The following BANK1 variants were observed in gnomAD, a reference collection of about 807,000 sequenced individuals.
The protein encoded by BANK1 is B-cell scaffold protein with ankyrin repeats.
A neutral mutation model predicts 94.5 loss-of-function variants in BANK1; 95 were observed. The ratio of observed to expected loss-of-function variants is 1.00; its 90% CI spans 0.85 to 1.19. BANK1 has a LOEUF of 1.19. Among genes scored for constraint, BANK1 ranks in the 50% most tolerant of loss-of-function variants. The pLI, the probability that BANK1 is intolerant of heterozygous loss-of-function variation, is 0.00. For missense variants in BANK1, 987 were observed against 932.2 expected (o/e 1.06, Z -0.77); for synonymous variants, 334 against 308.4 (o/e 1.08, Z -0.87).
In BANK1 at chr4:102,025,411, A is replaced by T; in HGVS notation, c.1496A>T (p.Asn499Ile). 1.2e-6 allele frequency: 2 copies of T among 1,614,022 alleles called. No homozygotes were observed. The highest frequency in any genetic ancestry group is 1.7e-6 in the Non-Finnish European group (2 of 1,179,990). ...VFIPGADPEN[N>I]SQEPLMSSRP... ...ATTCCTGGTGCTGATCCAGAAAATAATTCACAAGAGCCACTCATGAGCAGC... is the reference window on the plus strand; with the variant it reads ...ATTCCTGGTGCTGATCCAGAAAATATTTCACAAGAGCCACTCATGAGCAGC... Residue 499 changes from asparagine to isoleucine, a missense_variant, in exon 9 of 17, where the codon AAT becomes ATT. Transcript: ENST00000322953.
chr4:101,800,779 T>C (rs1228980364), intron 1 of BANK1, among the ~76,000 whole-genome samples: 1 of 152,224 alleles, frequency 6.6e-6, no homozygotes, highest in East Asian at 1.9e-4. Flanking sequence ...TTTTTTGAGA[T>C]GGTTTCTCGC....
chr4:101,799,114 A>G (rs1725261301), intron 1 of BANK1, among the ~76,000 whole-genome samples: 1 of 152,160 alleles, frequency 6.6e-6, no homozygotes, highest in Non-Finnish European at 1.5e-5. Context: ...TTAAGTCTTT[A>G]ATCCATCTTG....
rs377453229 is a variant in BANK1, at chr4:102,006,274, T to C, written c.1207-15240T>C. Reference sequence around the variant, plus strand: ...ACCTTAAGTATTTGTTTTTAATCTCTGTTCTCATGTTTCTCCCTCATGGAT... The same window carrying C: ...ACCTTAAGTATTTGTTTTTAATCTCCGTTCTCATGTTTCTCCCTCATGGAT... On this transcript the variant is annotated intron_variant, in intron 7 of 16. Coordinates refer to ENST00000322953, the MANE Select transcript of BANK1 (RefSeq NM_017935.5). 2.0e-5 allele frequency among the ~76,000 whole-genome samples: 3 copies of C among 152,190 alleles called. No homozygotes were observed. In the East Asian group the frequency reaches 5.8e-4, roughly 29 times the overall value.
intron 11 of BANK1, 39 bp from the exon 12 acceptor site, chr4:102,060,172 C>A: frequency 6.6e-7 from 1 of 1,504,800 alleles, no homozygotes; most frequent in Non-Finnish European, 8.8e-7. Context: ...TTGTCTACAC[C>A]TGGACTTTCT....
chr4:101,838,581 A>G (rs763920656), intron 2 of BANK1, among the ~76,000 whole-genome samples: 3 of 152,188 alleles, frequency 2.0e-5, no homozygotes, highest in Non-Finnish European at 4.4e-5. Context: ...AAGGGCAGAA[A>G]CTATGTACAG....
intron 11 of BANK1, among the ~76,000 whole-genome samples, chr4:102,047,739 A>C (rs1727929083): frequency 6.6e-6 from 1 of 152,104 alleles, no homozygotes; most frequent in Non-Finnish European, 1.5e-5. Flanking sequence ...ACAGGAGATG[A>C]AGAGAAATGA....
At chr4:101,843,864 G>A (rs1053669055) in intron 2 of BANK1, among the ~76,000 whole-genome samples, 3 of 152,214 alleles carry the variant, frequency 2.0e-5, no homozygotes, top group African/African-American at 7.2e-5. Context: ...GGAGGTTGAA[G>A]TGAGGTGATA....
intron 2 of BANK1, among the ~76,000 whole-genome samples, chr4:101,836,412 A>G (rs562056557): frequency 6.6e-6 from 1 of 152,322 alleles, no homozygotes; most frequent in African/African-American, 2.4e-5. Context: ...CCTGGGAGGC[A>G]GAGGCTGCCG....
intron 7 of BANK1, among the ~76,000 whole-genome samples, chr4:101,998,861 T>C (rs1034128846): frequency 6.6e-6 from 1 of 152,136 alleles, no homozygotes; most frequent in Non-Finnish European, 1.5e-5. Context: ...ATTAGTTGTC[T>C]CTCTGGTGTT....
chr4:101,974,804 A>C (rs577801907), intron 7 of BANK1, among the ~76,000 whole-genome samples: 134 of 152,108 alleles, frequency 8.8e-4, no homozygotes, highest in African/African-American at 3.1e-3. Context: ...AAAAAAAAAA[A>C]AAATTAGCTG....
intron 5 of BANK1, among the ~76,000 whole-genome samples, chr4:101,880,079 G>T (rs1321914718): frequency 6.6e-6 from 1 of 152,056 alleles, no homozygotes; most frequent in Non-Finnish European, 1.5e-5. Flanking sequence ...AGTACTGAAA[G>T]TCCTAGCTAG....
chr4:101,798,376 C>T (rs775462037), intron 1 of BANK1, among the ~76,000 whole-genome samples: 3 of 152,164 alleles, frequency 2.0e-5, no homozygotes, highest in Non-Finnish European at 4.4e-5. Context: ...AAGCCGATGG[C>T]GTCACACCAA....
intron 7 of BANK1, among the ~76,000 whole-genome samples, chr4:101,983,125 T>C (rs1725375503): frequency 6.6e-6 from 1 of 152,112 alleles, no homozygotes; most frequent in African/African-American, 2.4e-5. Flanking sequence ...TTCTTATGCC[T>C]AATAAGTAAT....
At chr4:101,945,174 T>C (rs1262795792) in intron 7 of BANK1, among the ~76,000 whole-genome samples, 1 of 152,010 alleles carries the variant, frequency 6.6e-6, no homozygotes, top group Non-Finnish European at 1.5e-5. Context: ...TTGGAGACTT[T>C]AAATAAGTAT....
chr4:101,852,994 T>C (rs1560602005), intron 2 of BANK1, among the ~76,000 whole-genome samples: 2 of 152,292 alleles, frequency 1.3e-5, no homozygotes, highest in South Asian at 2.1e-4. Context: ...ACAAAAGTAT[T>C]GAGCCAGTTT....
At chr4:101,864,412 A>T (rs1040334319) in intron 4 of BANK1, among the ~76,000 whole-genome samples, 10 of 152,200 alleles carry the variant, frequency 6.6e-5, no homozygotes, top group Non-Finnish European at 1.3e-4. Context: ...ATATGCACAG[A>T]TATATAAGGA....
intron 16 of BANK1, 105 bp downstream of exon 16, chr4:102,073,853 G>T (rs957788550): frequency 2.4e-6 from 2 of 827,072 alleles, no homozygotes; most frequent in East Asian, 5.2e-5. Flanking sequence ...AGATTTCATT[G>T]TCTTCTCCTG....
chr4:101,821,510 A>T (rs564566302), intron 1 of BANK1, among the ~76,000 whole-genome samples: 1 of 152,262 alleles, frequency 6.6e-6, no homozygotes, highest in African/African-American at 2.4e-5. Flanking sequence ...TGTCTTTGTC[A>T]TGAAGTCTTT....
At chr4:101,965,340 A>T (rs1326990139) in intron 7 of BANK1, among the ~76,000 whole-genome samples, 3 of 43,348 alleles carry the variant, frequency 6.9e-5, no homozygotes, top group African/African-American at 8.2e-5. Flanking sequence ...CCACCTAAAT[A>T]AAAAAAAAAA....
Sources: allele counts gnomAD v4.1 joint callset (sites outside exome capture counted in the v4.1 genomes callset), GRCh38; gene constraint gnomAD v4.1.1; transcripts MANE v1.5; gene names NCBI Gene and HGNC (gene_info 2026-07-23, HGNC 2026-07-21).